The following MRPL14 variants were observed in gnomAD, a reference collection of about 807,000 sequenced individuals.
MRPL14 encodes large ribosomal subunit protein uL14m.
Under a neutral mutation model 10.9 loss-of-function variants are expected in MRPL14, and 8 were observed. That is an observed-to-expected ratio of 0.74 (90% CI 0.43 to 1.33). MRPL14 has a LOEUF of 1.33. Ranked by LOEUF, MRPL14 falls within the 40% of genes most tolerant of loss-of-function variation. MRPL14 has a pLI of 0.01. For missense variants in MRPL14, 179 were observed against 194.5 expected, an observed-to-expected ratio of 0.92 and a Z score of 0.47; for synonymous variants, 82 against 74.1, an observed-to-expected ratio of 1.11 and a Z score of -0.54.
intron 2 of MRPL14, among the ~76,000 whole-genome samples, chr6:44,114,423 C>T (rs963248039): frequency 6.6e-6 from 1 of 152,184 alleles, no homozygotes. Context: ...GCTGTTGTGT[C>T]AAGGTCTCAA....
rs1390911643 is a variant in MRPL14, at chr6:44,114,010, T to C, written c.271A>G (p.Met91Val). Residue 91 changes from methionine to valine, a missense_variant, in exon 3 of 3, where the codon ATG (methionine) becomes GTG (valine). By Grantham distance (21) the Met-to-Val change is conservative. Coordinates refer to ENST00000372014, the MANE Select transcript of MRPL14 (RefSeq NM_032111.4). ...CTGGGGGTCATTCGGGGGCCAGGCATGCAGTGCCCCACAATGAGCGCCTTT... is the reference window on the plus strand; with the variant it reads ...CTGGGGGTCATTCGGGGGCCAGGCACGCAGTGCCCCACAATGAGCGCCTTT... ...KKKALIVGHCMPGPRMTPRFD... is the reference protein window; with the variant it reads ...KKKALIVGHCVPGPRMTPRFD... 1 of 1,614,176 alleles carries C rather than the reference T, an allele frequency of 6.2e-7. No individual in the cohort carries two copies. Among genetic ancestry groups the C allele is most frequent in the East Asian group, 2.2e-5 (1 of 44,880 alleles).
intron 1 of MRPL14, among the ~76,000 whole-genome samples, chr6:44,119,846 A>G (rs2144510): frequency 0.61 from 92,113 of 151,862 alleles, 29,167 homozygotes; most frequent in East Asian, 0.82. Context: ...CGTCCTGAAC[A>G]ACGCCACAGA....
At chr6:44,122,577 G>A (rs534008027) in intron 1 of MRPL14, among the ~76,000 whole-genome samples, 1 of 152,062 alleles carries the variant, frequency 6.6e-6, no homozygotes, top group Non-Finnish European at 1.5e-5. Flanking sequence ...GTGCCTGGCC[G>A]GTTACATTTT....
At chr6:44,122,330 G>A (rs906018760) in intron 1 of MRPL14, among the ~76,000 whole-genome samples, 2 of 152,118 alleles carry the variant, frequency 1.3e-5, no homozygotes, top group Non-Finnish European at 1.5e-5. Context: ...TGATCCGCCT[G>A]CCTCGGCCTC....
rs1775751592 is a variant in MRPL14, at chr6:44,115,442, C to CAT, written c.71+1097_71+1098dup. On this transcript the variant is annotated intron_variant, in intron 2 of 2. Coordinates refer to ENST00000372014, the MANE Select transcript of MRPL14 (RefSeq NM_032111.4). Reference sequence around the variant, plus strand: ...TCTCCAGCAGTACCAGAAGCCAAGCCATAAACCTCTCTCCACCAACATGAA... The same window carrying CAT: ...TCTCCAGCAGTACCAGAAGCCAAGCCATATAAACCTCTCTCCACCAACATGAA... Among the ~76,000 whole-genome samples, 4 of 152,258 alleles carry CAT rather than the reference C, an allele frequency of 2.6e-5. No individual in the cohort carries two copies. In the South Asian group the frequency reaches 8.3e-4, roughly 32 times the overall value.
chr6:44,114,242 G>C (rs375222533), intron 2 of MRPL14, 33 bp from the exon 3 acceptor site: 251 of 1,587,252 alleles, frequency 1.6e-4, no homozygotes, highest in Non-Finnish European at 2.0e-4. Context: ...TCTGCAGTCT[G>C]TATCTCTTAT....
chr6:44,115,184 C>A (rs1210202252), intron 2 of MRPL14, among the ~76,000 whole-genome samples: 2 of 93,028 alleles, frequency 2.1e-5, no homozygotes, highest in East Asian at 1.2e-3. Flanking sequence ...AGGACCTCTT[C>A]TCTCGTTTTT....
At chr6:44,116,314 G>A (rs1371517463) in intron 2 of MRPL14, among the ~76,000 whole-genome samples, 2 of 152,114 alleles carry the variant, frequency 1.3e-5, no homozygotes, top group African/African-American at 2.4e-5. Flanking sequence ...AAAAGCTTCC[G>A]CCATATGCCA....
intron 1 of MRPL14, among the ~76,000 whole-genome samples, chr6:44,123,757 C>A (rs1203882494): frequency 2.0e-5 from 3 of 152,154 alleles, no homozygotes; most frequent in Non-Finnish European, 4.4e-5. Flanking sequence ...TGTAATTACA[C>A]CACTTTGGGA....
At chr6:44,120,819 G>T (rs1005898890) in intron 1 of MRPL14, among the ~76,000 whole-genome samples, 2 of 152,122 alleles carry the variant, frequency 1.3e-5, no homozygotes, top group Non-Finnish European at 2.9e-5. Flanking sequence ...ATCCAGAAAC[G>T]GCAGAGCTCT....
chr6:44,121,662 G>A (rs1776425985), intron 1 of MRPL14, among the ~76,000 whole-genome samples: 1 of 152,230 alleles, frequency 6.6e-6, no homozygotes, highest in East Asian at 1.9e-4. Flanking sequence ...ATTTATGACT[G>A]GGCATAGTGG....
chr6:44,116,069 G>A (rs1219840321), intron 2 of MRPL14, among the ~76,000 whole-genome samples: 1 of 152,244 alleles, frequency 6.6e-6, no homozygotes, highest in African/African-American at 2.4e-5. Context: ...ATGAGGGCAT[G>A]ACGGGGCCAG....
At chr6:44,116,469 C>A in intron 2 of MRPL14, 72 bp downstream of exon 2, 2 of 1,461,882 alleles carry the variant, frequency 1.4e-6, no homozygotes, top group South Asian at 2.3e-5. Context: ...CTGTTCTAGT[C>A]ACCGTAATAC....
chr6:44,115,974 T>C (rs527739758), intron 2 of MRPL14, among the ~76,000 whole-genome samples: 4 of 152,358 alleles, frequency 2.6e-5, no homozygotes, highest in African/African-American at 9.6e-5. Flanking sequence ...TGGCTGACAG[T>C]GAGAATTCTT....
Position 44,113,769 on chromosome 6 carries a change from A to G in MRPL14, c.*74T>C. On this transcript the variant is annotated 3_prime_UTR_variant, in exon 3 of 3. Coordinates refer to ENST00000372014, the MANE Select transcript of MRPL14 (RefSeq NM_032111.4). ...GAAGGGAGCAGCCATGTGGCTCCCA[A>G]GCTCCCTTAGCAAAAGGGTGGTTCT... is the stretch of plus-strand genomic sequence containing the variant. The G allele has an allele frequency of 6.7e-7, 1 of 1,490,288 alleles. No homozygotes were observed. The highest frequency in any genetic ancestry group is 9.0e-7 in the Non-Finnish European group (1 of 1,113,720). The allele number at this position is 1,490,288 out of a possible 1,614,324, so 92.3% of individuals were successfully genotyped here. A position where few individuals can be genotyped will look rare whatever the true frequency, so the allele number is the denominator to read the frequency against.
At chr6:44,123,814 T>G (rs4997542) in intron 1 of MRPL14, among the ~76,000 whole-genome samples, 4 of 152,212 alleles carry the variant, frequency 2.6e-5, no homozygotes, top group African/African-American at 7.2e-5. Flanking sequence ...GGGATTGCAG[T>G]GAGCCATAAT....
In MRPL14 at chr6:44,114,010, T is replaced by A. The variant is rs1390911643; in HGVS notation, c.271A>T (p.Met91Leu). ...KKKALIVGHC[M>L]PGPRMTPRFD... is the part of the protein sequence containing the mutation. ...CTGGGGGTCATTCGGGGGCCAGGCA[T>A]GCAGTGCCCCACAATGAGCGCCTTT... The change falls in exon 3 of 3, where the codon ATG (methionine) becomes TTG (leucine). Residue 91 changes from methionine to leucine, a missense_variant. Met to Leu is a conservative substitution (Grantham distance 15). Coordinates refer to ENST00000372014, the MANE Select transcript of MRPL14 (RefSeq NM_032111.4). 1 of 1,614,058 alleles carries A rather than the reference T, an allele frequency of 6.2e-7. No homozygotes were observed. Among genetic ancestry groups the A allele is most frequent in the Non-Finnish European group, 8.5e-7 (1 of 1,180,028 alleles).
chr6:44,115,146 G>A (rs1189999603), intron 2 of MRPL14, among the ~76,000 whole-genome samples: 1 of 152,034 alleles, frequency 6.6e-6, no homozygotes, highest in Non-Finnish European at 1.5e-5. Flanking sequence ...GCTAGCACCT[G>A]ATGCTGGTGT....
intron 1 of MRPL14, among the ~76,000 whole-genome samples, chr6:44,125,054 C>A (rs969580994): frequency 2.0e-5 from 3 of 152,200 alleles, no homozygotes; most frequent in Admixed American, 1.3e-4. Flanking sequence ...CAGTGCCCAA[C>A]CACCTGAAAA....
Sources: gnomAD v4.1 joint callset for allele counts (sites outside exome capture counted in the v4.1 genomes callset) on GRCh38, gnomAD v4.1.1 for gene constraint, MANE v1.5 for transcripts, NCBI Gene and HGNC (gene_info 2026-07-23, HGNC 2026-07-21) for gene names.